The following OTUD4 variants were observed in gnomAD, a reference collection of about 807,000 sequenced individuals.
OTUD4 encodes OTU deubiquitinase 4, also known as OTU domain-containing protein 4.
Under a neutral mutation model 130.4 loss-of-function variants are expected in OTUD4, and 24 were observed. The observed-to-expected ratio is 0.18, with a 90% CI of 0.13 to 0.26. The LOEUF is 0.26. Among genes scored for constraint, OTUD4 ranks in the 10% least tolerant of loss-of-function variants. The pLI is 1.00. For missense variants in OTUD4, 1,031 were observed against 1,329.4 expected, an observed-to-expected ratio of 0.78 and a Z score of 3.49; for synonymous variants, 420 against 472.5, an observed-to-expected ratio of 0.89 and a Z score of 1.44.
intron 14 of OTUD4, 86 bp from the exon 15 acceptor site, chr4:145,144,520 A>G (rs186199818): frequency 7.0e-5 from 91 of 1,300,896 alleles, no homozygotes; most frequent in Non-Finnish European, 9.5e-5. Context: ...CTCACTCTTC[A>G]TACTTCTAAA....
chr4:145,177,859 T>C (rs1055508267), intron 1 of OTUD4, among the ~76,000 whole-genome samples: 1 of 152,244 alleles, frequency 6.6e-6, no homozygotes, highest in Non-Finnish European at 1.5e-5. Context: ...TGTGATTTTA[T>C]AGGAGAAATT....
intron 7 of OTUD4, among the ~76,000 whole-genome samples, chr4:145,157,703 A>G (rs947436983): frequency 1.7e-4 from 25 of 151,510 alleles, no homozygotes; most frequent in Admixed American, 1.2e-3. Context: ...AAAAAAAAAA[A>G]AAAAGAAATT....
chr4:145,152,856 G>A (rs1396661427), intron 10 of OTUD4, among the ~76,000 whole-genome samples: 1 of 150,678 alleles, frequency 6.6e-6, no homozygotes, highest in Non-Finnish European at 1.5e-5. Context: ...AAGTAGCTGG[G>A]ATCACAGGTG....
At chr4:145,176,343 A>G (rs890762649) in intron 1 of OTUD4, among the ~76,000 whole-genome samples, 3 of 151,826 alleles carry the variant, frequency 2.0e-5, no homozygotes, top group African/African-American at 7.3e-5. Context: ...ATTTCAAACT[A>G]CCATCAAGGC....
chr4:145,152,569 G>T lies in OTUD4; in HGVS notation c.940C>A (p.Pro314Thr), dbSNP rs1751113273. 6.2e-7 allele frequency: 1 copy of T among 1,608,474 alleles called. No homozygotes were observed. Among genetic ancestry groups the T allele is most frequent in the Non-Finnish European group, 8.5e-7 (1 of 1,175,270 alleles). Residue 314 changes from proline to threonine, a missense_variant, in exon 11 of 21, where the codon CCA (proline) becomes ACA (threonine). Pro to Thr is a conservative substitution (Grantham distance 38). Transcript: ENST00000447906. ...DVQGIHSENGPVLVEELGKKH... is the reference protein window; with the variant it reads ...DVQGIHSENGTVLVEELGKKH... ...TTTCCCAGTTCTTCAACCAAAACTG[G>T]TCCATTCTCAGAATGAATTCCTTGA...
At chr4:145,144,924 T>TA (rs1560980442) in intron 14 of OTUD4, among the ~76,000 whole-genome samples, 1 of 152,150 alleles carries the variant, frequency 6.6e-6, no homozygotes, top group African/African-American at 2.4e-5. Context: ...GGGACTGAAA[T>TA]AAGTGAGGTT....
chr4:145,179,771 G>T, intron 1 of OTUD4, 44 bp downstream of exon 1: 1 of 1,020,958 alleles, frequency 9.8e-7, no homozygotes. Context: ...CCGCCGGGCC[G>T]TCCCCGCCTC....
Position 145,137,587 on chromosome 4 carries a change from C to G in OTUD4, c.3188G>C (p.Gly1063Ala). Residue 1063 changes from glycine (G) to alanine (A), a missense_variant, in exon 21 of 21, where the codon GGA (glycine) becomes GCA (alanine). By Grantham distance (60) the Gly-to-Ala change is moderately conservative. This residue lies in a region of OTUD4 where 900 missense variants were observed against 1,095.9 expected (regional missense o/e 0.82). Coordinates refer to ENST00000447906, the MANE Select transcript of OTUD4 (RefSeq NM_001366057.1). ...KSDWGYSGRG[G>A]YQHVRSEESW... ...CTCCTCACTTCTCACATGTTGATAT[C>G]CACCCCTACCAGAATAGCCCCAATC... The G allele has an allele frequency of 3.7e-6, 6 of 1,613,518 alleles. No individual in the cohort carries two copies. Among genetic ancestry groups the G allele is most frequent in the Non-Finnish European group, 5.1e-6 (6 of 1,179,906 alleles).
intron 7 of OTUD4, among the ~76,000 whole-genome samples, chr4:145,158,184 T>C (rs1252471544): frequency 6.6e-6 from 1 of 152,160 alleles, no homozygotes; most frequent in African/African-American, 2.4e-5. Flanking sequence ...TACCTGGAAT[T>C]ACAAATCAAG....
rs140187317 is a variant in OTUD4 at position 145,135,320 on chromosome 4, T to A, written c.*2110A>T. The A allele has an allele frequency of 2.0e-3, 314 of 153,176 alleles. 7 individuals are homozygous for A. Among genetic ancestry groups the A allele is most frequent in the Admixed American group, 0.012 (187 of 15,332 alleles). The allele number at this position is 153,176 out of a possible 1,614,324, so 9.5% of individuals were successfully genotyped here. ...GTAAGACAAAGTGACAATGAAGATATGAGTAGTATTTCCTTCCAATTTTTA... is the reference window on the plus strand; with the variant it reads ...GTAAGACAAAGTGACAATGAAGATAAGAGTAGTATTTCCTTCCAATTTTTA... On this transcript the variant is annotated 3_prime_UTR_variant, in exon 21 of 21. Coordinates refer to ENST00000447906, the MANE Select transcript of OTUD4 (RefSeq NM_001366057.1).
chr4:145,167,102 T>C (rs1382648026), intron 3 of OTUD4, among the ~76,000 whole-genome samples: 1 of 152,162 alleles, frequency 6.6e-6, no homozygotes, highest in Non-Finnish European at 1.5e-5. Flanking sequence ...TGAAGAATTT[T>C]CACCCTTTAT....
Position 145,134,255 on chromosome 4 carries a change from TA to T in OTUD4, c.*3174del, listed in dbSNP as rs1160236845. On this transcript the variant is annotated 3_prime_UTR_variant, in exon 21 of 21. Coordinates refer to ENST00000447906, the MANE Select transcript of OTUD4 (RefSeq NM_001366057.1). ...TTAAACAAACAATAGCATTTAGACA[TA>T]AAGTAGGAAGCAAAATACAGTAAAC... The T allele has an allele frequency of 1.3e-5, 2 of 154,222 alleles. No homozygotes were observed. The highest frequency in any genetic ancestry group is 4.8e-5 in the African/African-American group (2 of 41,506). 9.6% of individuals were successfully genotyped at this position (154,222 alleles called of 1,614,324 possible). A position where few individuals can be genotyped will look rare whatever the true frequency, so the allele number is the denominator to read the frequency against.
In OTUD4 at chr4:145,150,877, G is replaced by A; in HGVS notation, c.997C>T (p.Pro333Ser). ...GACACTGTGTTCCAGCTTTCTGGGGGAGGTGCCTTGAGGTTCTTTGATGTG... is the reference window on the plus strand; with the variant it reads ...GACACTGTGTTCCAGCTTTCTGGGGAAGGTGCCTTGAGGTTCTTTGATGTG... The part of the protein sequence containing the change: ...KHTSKNLKAP[P>S]PESWNTVSGK... Residue 333 changes from proline (P) to serine (S), a missense_variant, in exon 12 of 21, where the codon CCC becomes TCC. By Grantham distance (74) the Pro-to-Ser change is moderately conservative (BLOSUM62 -1). Transcript: ENST00000447906. 6.2e-7 allele frequency: 1 copy of A among 1,613,636 alleles called. No individual in the cohort carries two copies. Among genetic ancestry groups the A allele is most frequent in the Non-Finnish European group, 8.5e-7 (1 of 1,179,788 alleles).
chr4:145,175,969 C>T (rs1239576615), intron 1 of OTUD4, among the ~76,000 whole-genome samples: 2 of 151,998 alleles, frequency 1.3e-5, no homozygotes, highest in East Asian at 1.9e-4. Context: ...CAAGTTCAAG[C>T]GATTCTCCTG....
chr4:145,180,005 G>A lies in OTUD4; in HGVS notation c.-32C>T, dbSNP rs769193968. On this transcript the variant is annotated 5_prime_UTR_variant, in exon 1 of 21. Transcript: ENST00000447906. ...GGTCCTGCTGCAGGCCAGGCGCGGC[G>A]AGGGCTAGCCCCACATGGCCAGGCC... 25 of 1,453,482 alleles carry A rather than the reference G, an allele frequency of 1.7e-5. No individual in the cohort carries two copies. Among genetic ancestry groups the A allele is most frequent in the South Asian group, 1.4e-4 (10 of 73,338 alleles). The allele number at this position is 1,453,482 out of a possible 1,614,324, so 90.0% of individuals were successfully genotyped here.
In OTUD4 at chr4:145,134,523, T is replaced by C; in HGVS notation, c.*2907A>G. 1 of 395,236 alleles carries C rather than the reference T, an allele frequency of 2.5e-6. No individual in the cohort carries two copies. The highest frequency in any genetic ancestry group is 3.6e-5 in the East Asian group (1 of 27,938). 24.5% of individuals were successfully genotyped at this position (395,236 alleles called of 1,614,324 possible). On this transcript the variant is annotated 3_prime_UTR_variant, in exon 21 of 21. Transcript: ENST00000447906. ...AGTTTGCAGTTCACAGGCATTTTAA[T>C]TCAACCTTGAGTCACAAAGGAAACA...
intron 1 of OTUD4, 36 bp downstream of exon 1, chr4:145,179,779 C>A: frequency 1.5e-6 from 2 of 1,373,750 alleles, no homozygotes; most frequent in Non-Finnish European, 1.9e-6. Context: ...CCGTCCCCGC[C>A]TCCCCTCGAA....
At chr4:145,178,855 T>C (rs1752551101) in intron 1 of OTUD4, among the ~76,000 whole-genome samples, 1 of 151,962 alleles carries the variant, frequency 6.6e-6, no homozygotes, top group African/African-American at 2.4e-5. Context: ...AGAAACATCA[T>C]AAAAACCCCA....
Position 145,152,480 on chromosome 4 carries a change from T to C in OTUD4, c.968+61A>G, listed in dbSNP as rs36226187. On this transcript the variant is annotated intron_variant, in intron 11 of 20. Transcript: ENST00000447906. Reference sequence around the variant, plus strand: ...GCAAATACTGAAGGCCATTTTAAAATGCTCATGATTAGGCTAAATGGAGGA... The same window carrying C: ...GCAAATACTGAAGGCCATTTTAAAACGCTCATGATTAGGCTAAATGGAGGA... The C allele has an allele frequency of 7.5e-5, 66 of 880,024 alleles. No individual in the cohort carries two copies. The African/African-American group carries it at 9.2e-4, about 12-fold the overall frequency. The allele number at this position is 880,024 out of a possible 1,614,324, so 54.5% of individuals were successfully genotyped here. A position where few individuals can be genotyped will look rare whatever the true frequency, so the allele number is the denominator to read the frequency against.
Sources: allele counts gnomAD v4.1 joint callset (sites outside exome capture counted in the v4.1 genomes callset), GRCh38; gene constraint gnomAD v4.1.1; regional missense constraint gnomAD v4.1.1; transcripts MANE v1.5; gene names NCBI Gene and HGNC (gene_info 2026-07-23, HGNC 2026-07-21).